Variants in PCDHGA6 observed in about 807,000 individuals in gnomAD.
PCDHGA6 encodes the protein protocadherin gamma subfamily A, 6, also known as protocadherin gamma-A6.
Under a neutral mutation model 60.6 loss-of-function variants are expected in PCDHGA6, and 41 were observed. The ratio of observed to expected loss-of-function variants is 0.68; its 90% CI spans 0.53 to 0.88. The LOEUF (loss-of-function observed/expected upper bound fraction) is 0.88. Among genes scored for constraint, PCDHGA6 ranks in the 40% least tolerant of loss-of-function variants. The pLI is 0.00. For missense variants in PCDHGA6, 1,312 were observed against 1,203.0 expected (o/e 1.09, Z -1.34); for synonymous variants, 594 against 524.4 (o/e 1.13, Z -1.81).
chr5:141,382,701 T>G, intron 1 of PCDHGA6: 2 of 460,044 alleles, frequency 4.3e-6, no homozygotes, highest in Non-Finnish European at 7.6e-6. Flanking sequence ...GTGCGAGAGA[T>G]CCCACAGAAA....
chr5:141,486,714 C>G lies in PCDHGA6; in HGVS notation c.2425-8093C>G. On this transcript the variant is annotated intron_variant, in intron 1 of 3. Transcript: ENST00000517434. This position sits in a 1 kb window ranked among gnomAD's most constrained non-coding sequence, Gnocchi z 5.0. ...TCTTTCATCTCTCTGAACCCCCAGA[C>G]AGGAGCTGTTCATGCTACTCGATCC... 1.2e-6 allele frequency: 2 copies of G among 1,614,216 alleles called. No individual in the cohort carries two copies. Among genetic ancestry groups the G allele is most frequent in the African/African-American group, 1.3e-5 (1 of 75,062 alleles).
At chr5:141,383,981 C>T in intron 1 of PCDHGA6, 3 of 1,613,792 alleles carry the variant, frequency 1.9e-6, no homozygotes, top group Non-Finnish European at 2.5e-6. Context: ...GAAGACACAC[C>T]TCTTGGGACA....
At chr5:141,500,619 G>A (rs1230172485) in intron 2 of PCDHGA6, among the ~76,000 whole-genome samples, 1 of 152,072 alleles carries the variant, frequency 6.6e-6, no homozygotes, top group East Asian at 1.9e-4. Context: ...CCAGTCATAC[G>A]GTACATTTCC....
chr5:141,409,357 T>A, intron 1 of PCDHGA6: 2 of 1,613,968 alleles, frequency 1.2e-6, no homozygotes, highest in Non-Finnish European at 1.7e-6. Context: ...TCAGGTGTAA[T>A]ATAGAAACAG....
chr5:141,456,641 G>A (rs2098873674), intron 1 of PCDHGA6, among the ~76,000 whole-genome samples: 1 of 152,160 alleles, frequency 6.6e-6, no homozygotes, highest in South Asian at 2.1e-4. Context: ...TACTACAGGT[G>A]TTAATCCCAA....
chr5:141,508,961 A>G (rs991011427), intron 3 of PCDHGA6, among the ~76,000 whole-genome samples: 2 of 151,978 alleles, frequency 1.3e-5, no homozygotes, highest in Non-Finnish European at 2.9e-5. Flanking sequence ...TGTCAGCGGA[A>G]TGAAAGGGCT....
At chr5:141,504,065 G>C (rs1291060280) in intron 2 of PCDHGA6, among the ~76,000 whole-genome samples, 2 of 152,060 alleles carry the variant, frequency 1.3e-5, no homozygotes, top group African/African-American at 2.4e-5. Context: ...AAACTTCTCT[G>C]AGCCAGATGG....
At chr5:141,391,358 G>T (rs2150448712) in intron 1 of PCDHGA6, 1 of 150,474 alleles carries the variant, frequency 6.6e-6, no homozygotes, top group East Asian at 1.9e-4. Context: ...TGTTACTCAG[G>T]CTGTAGTGCA....
At chr5:141,404,097 T>C in intron 1 of PCDHGA6, 1 of 1,613,584 alleles carries the variant, frequency 6.2e-7, no homozygotes, top group Non-Finnish European at 8.5e-7. Flanking sequence ...AATGGTCAAG[T>C]TGTCTGTTCT....
Position 141,489,652 on chromosome 5 carries a change from C to T in PCDHGA6, c.2425-5155C>T, listed in dbSNP as rs767143028. The T allele has an allele frequency of 3.1e-6, 5 of 1,614,024 alleles. No individual in the cohort carries two copies. Among genetic ancestry groups the T allele is most frequent in the Non-Finnish European group, 4.2e-6 (5 of 1,180,026 alleles). ...CTCTCCTAGCTTTGCCACCCCTGAG[C>T]GAGAGATGCGCATCTCAGAATCAGC... On this transcript the variant is annotated intron_variant, in intron 1 of 3. Coordinates refer to ENST00000517434, the MANE Select transcript of PCDHGA6 (RefSeq NM_018919.3). The surrounding 1 kb of genome is among the most constrained non-coding windows in gnomAD (Gnocchi z 4.5).
Position 141,421,691 on chromosome 5 carries a change from T to A in PCDHGA6, c.2424+45184T>A, listed in dbSNP as rs1175919580. ...GCAATTCCTGGGGCGCGATTTGCTC[T>A]TCCTAATGCTAGGGATCCAGATGTG... On this transcript the variant is annotated intron_variant, in intron 1 of 3. Coordinates refer to ENST00000517434, the MANE Select transcript of PCDHGA6 (RefSeq NM_018919.3). 6.2e-7 allele frequency: 1 copy of A among 1,613,816 alleles called. No individual in the cohort carries two copies. The highest frequency in any genetic ancestry group is 1.3e-5 in the African/African-American group (1 of 74,938).
intron 1 of PCDHGA6, chr5:141,422,052 C>T: frequency 6.2e-7 from 1 of 1,611,298 alleles, no homozygotes; most frequent in Non-Finnish European, 8.5e-7. Flanking sequence ...AGGGAATCAA[C>T]GGGGAAGTAA....
At chr5:141,478,683 C>G (rs1355955377) in intron 1 of PCDHGA6, 14 of 1,551,164 alleles carry the variant, frequency 9.0e-6, no homozygotes, top group African/African-American at 1.4e-5. Flanking sequence ...CTGGCCCTTC[C>G]TAGATCAAAG....
chr5:141,383,458 G>A, intron 1 of PCDHGA6: 1 of 1,613,878 alleles, frequency 6.2e-7, no homozygotes, highest in African/African-American at 1.3e-5. Context: ...AAGTGGAGAC[G>A]ATGAAACTAA....
chr5:141,399,078 G>C (rs2093750242), intron 1 of PCDHGA6: 1 of 1,613,746 alleles, frequency 6.2e-7, no homozygotes, highest in African/African-American at 1.3e-5. Context: ...TTGTAGAAGG[G>C]AGGGATGGTG....
At chr5:141,428,066 A>T in intron 1 of PCDHGA6, 2 of 1,609,118 alleles carry the variant, frequency 1.2e-6, no homozygotes, top group Non-Finnish European at 1.7e-6. Context: ...CGGTGGACGC[A>T]GATTCGGGAC....
intron 1 of PCDHGA6, chr5:141,478,197 T>G (rs2099437910): frequency 6.2e-7 from 1 of 1,613,956 alleles, no homozygotes; most frequent in Admixed American, 1.7e-5. Context: ...ACCTTTTATC[T>G]ACTTCTTTCT....
rs754888812 is a variant in PCDHGA6, at chr5:141,374,393, G to T, written c.310G>T (p.Val104Leu). The T allele has an allele frequency of 1.1e-5, 18 of 1,614,032 alleles. No individual in the cohort carries two copies. In the Middle Eastern group the frequency reaches 1.2e-3, roughly 104 times the overall value. ...ELCAQSPRCLVSFNILVEDKL... is the reference protein window; with the variant it reads ...ELCAQSPRCLLSFNILVEDKL... ...CTGTGCTCAGAGCCCGCGGTGTCTG[G>T]TGAGTTTTAACATCCTTGTCGAGGA... The change falls in exon 1 of 4, where the codon GTG becomes TTG. Residue 104 changes from valine (V) to leucine (L), a missense_variant. Transcript: ENST00000517434.
rs1399077321 is a variant in PCDHGA6, at chr5:141,474,090, AAAC to A, written c.2425-20708_2425-20706del. Among the ~76,000 whole-genome samples the A allele has an allele frequency of 2.6e-5, 4 of 152,206 alleles. No individual in the cohort carries two copies. In the East Asian group the frequency reaches 5.8e-4, roughly 22 times the overall value. On this transcript the variant is annotated intron_variant, in intron 1 of 3. Coordinates refer to ENST00000517434, the MANE Select transcript of PCDHGA6 (RefSeq NM_018919.3). ...GCCTCAGAAACAAAAACCAAAAAAC[AAAC>A]AACAACAAAAACAACAACAACGAAA...
Sources: gnomAD v4.1 joint callset for allele counts (sites outside exome capture counted in the v4.1 genomes callset) on GRCh38, gnomAD v4.1.1 for gene constraint, Gnocchi (gnomAD v3.1) non-coding constraint, MANE v1.5 for transcripts, NCBI Gene and HGNC (gene_info 2026-07-23, HGNC 2026-07-21) for gene names.